Variants in DTD1 observed in about 807,000 individuals in gnomAD.
DTD1 encodes D-tyrosyl-tRNA deacylase 1 homolog.
A neutral mutation model predicts 25.6 loss-of-function variants in DTD1; 13 were observed. The ratio of observed to expected loss-of-function variants is 0.51; its 90% CI spans 0.33 to 0.81. The LOEUF (loss-of-function observed/expected upper bound fraction) is 0.81. Among genes scored for constraint, DTD1 ranks in the 30% least tolerant of loss-of-function variants. The pLI is 0.02. For missense variants in DTD1, 193 were observed against 266.4 expected, an observed-to-expected ratio of 0.72 and a Z score of 1.92; for synonymous variants, 110 against 103.6, an observed-to-expected ratio of 1.06 and a Z score of -0.37.
chr20:18,640,877 C>T lies in DTD1; in HGVS notation c.477+12644C>T, dbSNP rs555901463. 3.8e-3 allele frequency among the ~76,000 whole-genome samples: 585 copies of T among 152,206 alleles called. 1 individual carries two copies. The highest frequency in any genetic ancestry group is 0.013 in the African/African-American group (539 of 41,526). On this transcript the variant is annotated intron_variant, in intron 4 of 5. Transcript: ENST00000377452. The stretch of plus-strand genomic sequence containing the variant: ...AACTCCTGACCTCAAGTGATCTACC[C>T]GCTTCGGCCTCCCAAAGTGCTGGGA...
intron 4 of DTD1, among the ~76,000 whole-genome samples, chr20:18,704,781 A>G (rs560247393): frequency 1.4e-4 from 21 of 152,268 alleles, no homozygotes; most frequent in African/African-American, 5.1e-4. Context: ...TCCGAATGTC[A>G]GTAGTGCTGA....
chr20:18,661,271 G>T (rs554394486), intron 4 of DTD1, among the ~76,000 whole-genome samples: 2 of 151,810 alleles, frequency 1.3e-5, no homozygotes, highest in South Asian at 4.1e-4. Flanking sequence ...AAAGCTGTCT[G>T]TGACTACAAA....
In DTD1 at chr20:18,674,185, T is replaced by C. The variant is rs2060961130; in HGVS notation, c.477+45952T>C. On this transcript the variant is annotated intron_variant, in intron 4 of 5. Transcript: ENST00000377452. Reference sequence around the variant, plus strand: ...TCTGAGCAATAATAATTTTATTGACTTGGAAGCCTGGCTGTCTTGATTTCC... The same window carrying C: ...TCTGAGCAATAATAATTTTATTGACCTGGAAGCCTGGCTGTCTTGATTTCC... Among the ~76,000 whole-genome samples the C allele has an allele frequency of 2.6e-5, 4 of 152,304 alleles. No individual in the cohort carries two copies. In the South Asian group the frequency reaches 8.3e-4, roughly 32 times the overall value.
intron 4 of DTD1, among the ~76,000 whole-genome samples, chr20:18,718,759 A>G (rs1432115358): frequency 6.6e-6 from 1 of 152,206 alleles, no homozygotes; most frequent in Non-Finnish European, 1.5e-5. Context: ...CTTGTAGTTC[A>G]AGAGAAAGAC....
At chr20:18,660,967 G>T (rs1010896182) in intron 4 of DTD1, among the ~76,000 whole-genome samples, 1 of 152,152 alleles carries the variant, frequency 6.6e-6, no homozygotes, top group Non-Finnish European at 1.5e-5. Context: ...CCCACCTTTA[G>T]GCTGAGGTTC....
intron 4 of DTD1, 72 bp downstream of exon 4, chr20:18,628,305 C>T: frequency 8.8e-7 from 1 of 1,138,762 alleles, no homozygotes; most frequent in Non-Finnish European, 1.3e-6. Context: ...CTGGAAGAGT[C>T]CTCGGTCTGA....
intron 4 of DTD1, among the ~76,000 whole-genome samples, chr20:18,738,372 A>G (rs2061264881): frequency 6.6e-6 from 1 of 152,204 alleles, no homozygotes; most frequent in Non-Finnish European, 1.5e-5. Flanking sequence ...TTCAAGTGCC[A>G]CAAACCTACA....
At chr20:18,702,274 G>A (rs182830363) in intron 4 of DTD1, among the ~76,000 whole-genome samples, 1 of 152,030 alleles carries the variant, frequency 6.6e-6, no homozygotes, top group African/African-American at 2.4e-5. Flanking sequence ...TGGTACTCCC[G>A]CCCCCTTCCC....
At chr20:18,695,755 C>G (rs1488212502) in intron 4 of DTD1, among the ~76,000 whole-genome samples, 1 of 151,444 alleles carries the variant, frequency 6.6e-6, no homozygotes, top group Non-Finnish European at 1.5e-5. Flanking sequence ...ACTTCAGCCT[C>G]AACCCCCAAG....
chr20:18,759,361 G>A (rs1421427198), intron 5 of DTD1, among the ~76,000 whole-genome samples: 1 of 152,200 alleles, frequency 6.6e-6, no homozygotes, highest in Non-Finnish European at 1.5e-5. Context: ...GCATGTTTTT[G>A]CAGTGGCTGG....
intron 4 of DTD1, among the ~76,000 whole-genome samples, chr20:18,727,864 G>C (rs2061227838): frequency 6.6e-6 from 1 of 152,214 alleles, no homozygotes; most frequent in Non-Finnish European, 1.5e-5. Flanking sequence ...TCCATCATGT[G>C]GATATAGCAC....
chr20:18,741,464 G>C (rs539374646), intron 4 of DTD1, among the ~76,000 whole-genome samples: 2 of 152,092 alleles, frequency 1.3e-5, no homozygotes, highest in Non-Finnish European at 2.9e-5. Context: ...CTCTAGATCT[G>C]GTTTTGTTCT....
At position 18,764,029 on chromosome 20, in the gene DTD1, TCTAA is replaced by T. The variant is rs757223346; in HGVS notation, c.*692_*695del. 6.6e-6 allele frequency: 1 copy of T among 152,232 alleles called. No homozygotes were observed. Among genetic ancestry groups the T allele is most frequent in the East Asian group, 1.9e-4 (1 of 5,198 alleles). The allele number at this position is 152,232 out of a possible 1,614,324, so 9.4% of individuals were successfully genotyped here. ...ATAAGTCTCTCGCAAGAGGGCCTTC[TCTAA>T]CTGGCCCACACAGGCTCCTGAGTCC... is the stretch of plus-strand genomic sequence containing the variant. On this transcript the variant is annotated 3_prime_UTR_variant, in exon 6 of 6. Coordinates refer to ENST00000377452, the MANE Select transcript of DTD1 (RefSeq NM_080820.6).
intron 4 of DTD1, among the ~76,000 whole-genome samples, chr20:18,641,666 C>G (rs535258528): frequency 6.6e-6 from 1 of 152,202 alleles, no homozygotes; most frequent in Admixed American, 6.5e-5. Flanking sequence ...TGTATATCTT[C>G]TTTGGAGATC....
chr20:18,700,954 A>G (rs971481287), intron 4 of DTD1, among the ~76,000 whole-genome samples: 2 of 152,220 alleles, frequency 1.3e-5, no homozygotes, highest in Non-Finnish European at 1.5e-5. Flanking sequence ...CTGTGAGGTG[A>G]AAAAGCTACT....
At chr20:18,617,399 CAT>C (rs1450421246) in intron 3 of DTD1, among the ~76,000 whole-genome samples, 2 of 150,424 alleles carry the variant, frequency 1.3e-5, no homozygotes, top group South Asian at 2.1e-4. Flanking sequence ...TATACACACA[CAT>C]ATATATTTGT....
intron 4 of DTD1, among the ~76,000 whole-genome samples, chr20:18,665,115 T>C (rs188158445): frequency 8.3e-4 from 127 of 152,330 alleles, no homozygotes; most frequent in Middle Eastern, 3.4e-3. Context: ...AACTTATAAG[T>C]AGTGAACGGG....
At chr20:18,651,351 A>C (rs1384400915) in intron 4 of DTD1, among the ~76,000 whole-genome samples, 1 of 152,120 alleles carries the variant, frequency 6.6e-6, no homozygotes, top group Non-Finnish European at 1.5e-5. Flanking sequence ...GGGTTTCACT[A>C]TGTTGGGCAG....
chr20:18,661,548 T>G (rs2060910710), intron 4 of DTD1, among the ~76,000 whole-genome samples: 1 of 152,126 alleles, frequency 6.6e-6, no homozygotes, highest in Non-Finnish European at 1.5e-5. Context: ...ATTTTTTGTA[T>G]TTTTAGTAGA....
Sources: gnomAD v4.1 joint callset for allele counts (sites outside exome capture counted in the v4.1 genomes callset) on GRCh38, gnomAD v4.1.1 for gene constraint, MANE v1.5 for transcripts, NCBI Gene and HGNC (gene_info 2026-07-23, HGNC 2026-07-21) for gene names.